The following PACS1 variants were observed in gnomAD, a reference collection of about 807,000 sequenced individuals.
PACS1 encodes the protein phosphofurin acidic cluster sorting protein 1.
In PACS1, 24 loss-of-function variants were observed where a neutral mutation model predicts 115.0. The observed-to-expected ratio is 0.21, with a 90% CI of 0.15 to 0.29. The LOEUF is 0.29. Ranked by LOEUF, PACS1 falls within the 10% of genes least tolerant of loss-of-function variation. PACS1 has a pLI of 1.00. For missense variants in PACS1, 838 were observed against 1,251.2 expected, an observed-to-expected ratio of 0.67 and a Z score of 4.98; for synonymous variants, 453 against 504.5, an observed-to-expected ratio of 0.90 and a Z score of 1.37.
In PACS1 at chr11:66,189,011, G is replaced by A. The variant is rs558446125; in HGVS notation, c.357-4475G>A. 7.2e-5 allele frequency among the ~76,000 whole-genome samples: 11 copies of A among 152,160 alleles called. No homozygotes were observed. The South Asian group carries it at 1.5e-3, about 20-fold the overall frequency. On this transcript the variant is annotated intron_variant, in intron 1 of 23. Transcript: ENST00000320580. ...TTGACTACTTCCTATGTGACCTGGG[G>A]ACATTTTCTTAACTTCCAGCATCCG...
At chr11:66,224,826 C>T (rs1855439631) in intron 10 of PACS1, among the ~76,000 whole-genome samples, 1 of 152,196 alleles carries the variant, frequency 6.6e-6, no homozygotes. Context: ...GGCAGGTGTG[C>T]ACGCACCACC....
At chr11:66,105,024 T>C (rs932429439) in intron 1 of PACS1, among the ~76,000 whole-genome samples, 1 of 152,244 alleles carries the variant, frequency 6.6e-6, no homozygotes, top group Non-Finnish European at 1.5e-5. Context: ...AAGGATGATA[T>C]ATTTGTAGGT....
At chr11:66,103,896 CAG>C (rs1857975794) in intron 1 of PACS1, among the ~76,000 whole-genome samples, 1 of 152,124 alleles carries the variant, frequency 6.6e-6, no homozygotes. Flanking sequence ...ATTATCAGCT[CAG>C]GGGCAGTGCT....
intron 11 of PACS1, chr11:66,230,347 A>G: frequency 3.4e-6 from 2 of 582,426 alleles, no homozygotes; most frequent in South Asian, 4.1e-5. Flanking sequence ...TATGGTGCCC[A>G]CACGGGGTGT....
intron 2 of PACS1, among the ~76,000 whole-genome samples, chr11:66,205,073 C>T (rs191075448): frequency 1.8e-4 from 28 of 152,308 alleles, no homozygotes; most frequent in Admixed American, 5.9e-4. Flanking sequence ...CAACCTCCAC[C>T]TCCCAGGTTC....
At position 66,216,584 on chromosome 11, in the gene PACS1, A is replaced by G. The variant is rs777363316; in HGVS notation, c.870A>G (p.Glu290=). 1 of 1,614,060 alleles carries G rather than the reference A, an allele frequency of 6.2e-7. No individual in the cohort carries two copies. The highest frequency in any genetic ancestry group is 8.5e-7 in the Non-Finnish European group (1 of 1,179,874). ...EEEESFSSEQ[E]GSDDPLHGQD... ...AAGAGAGTTTCTCATCAGAACAGGAAGGCAGTGATGATCCATTGCATGGGC... is the reference window on the plus strand; with the variant it reads ...AAGAGAGTTTCTCATCAGAACAGGAGGGCAGTGATGATCCATTGCATGGGC... The change falls in exon 6 of 24, where the codon GAA becomes GAG. Residue 290 remains glutamate (E), a synonymous_variant. Transcript: ENST00000320580.
chr11:66,240,636 GT>G (rs984943131), intron 21 of PACS1, among the ~76,000 whole-genome samples: 5 of 152,020 alleles, frequency 3.3e-5, no homozygotes, highest in Non-Finnish European at 5.9e-5. Context: ...ACGCAGCCAA[GT>G]TCTGCCCTGG....
At chr11:66,178,923 A>G (rs1220818621) in intron 1 of PACS1, among the ~76,000 whole-genome samples, 1 of 152,194 alleles carries the variant, frequency 6.6e-6, no homozygotes, top group African/African-American at 2.4e-5. Flanking sequence ...GAACTCCCAC[A>G]GGTCCCAGAT....
chr11:66,178,354 G>A (rs996002620), intron 1 of PACS1, among the ~76,000 whole-genome samples: 76 of 152,128 alleles, frequency 5.0e-4, no homozygotes, highest in African/African-American at 1.8e-3. Flanking sequence ...CGTACTGGAT[G>A]TGTTCTATTT....
chr11:66,162,118 T>G (rs1230074094), intron 1 of PACS1, among the ~76,000 whole-genome samples: 2 of 119,056 alleles, frequency 1.7e-5, no homozygotes, highest in African/African-American at 3.1e-5. Flanking sequence ...GGTGGTTTTT[T>G]TTTTTTTTTT....
rs1296992425 is a variant in PACS1, at chr11:66,233,093, G to A, written c.1838+27G>A. On this transcript the variant is annotated intron_variant, in intron 15 of 23. Transcript: ENST00000320580. The surrounding 1 kb of genome is among the most constrained non-coding windows in gnomAD (Gnocchi z 4.5). ...TAAGGGCTCTGGCCTCCCTTCTCCTGCCCTTAGAGATTCCCTCTGACCTCA... is the reference window on the plus strand; with the variant it reads ...TAAGGGCTCTGGCCTCCCTTCTCCTACCCTTAGAGATTCCCTCTGACCTCA... The A allele has an allele frequency of 6.6e-7, 1 of 1,514,500 alleles. No individual in the cohort carries two copies. The allele number at this position is 1,514,500 out of a possible 1,614,324, so 93.8% of individuals were successfully genotyped here.
intron 1 of PACS1, among the ~76,000 whole-genome samples, chr11:66,098,759 G>A (rs1180673684): frequency 6.6e-5 from 10 of 152,114 alleles, no homozygotes; most frequent in African/African-American, 1.9e-4. Flanking sequence ...TTGTCATCCC[G>A]GTTGTTCTTG....
chr11:66,165,445 A>G (rs1859579806), intron 1 of PACS1, among the ~76,000 whole-genome samples: 1 of 152,046 alleles, frequency 6.6e-6, no homozygotes, highest in Non-Finnish European at 1.5e-5. Flanking sequence ...TACCATCTCT[A>G]TGCCTCGACT....
intron 2 of PACS1, among the ~76,000 whole-genome samples, chr11:66,203,492 G>GA (rs61030292): frequency 1.3e-5 from 2 of 151,496 alleles, no homozygotes; most frequent in African/African-American, 4.9e-5. Context: ...CACAGAAATA[G>GA]AAAAAAAAAA....
chr11:66,113,773 A>G (rs1000480972), intron 1 of PACS1, among the ~76,000 whole-genome samples: 1 of 152,232 alleles, frequency 6.6e-6, no homozygotes, highest in African/African-American at 2.4e-5. Flanking sequence ...CTCTGACATT[A>G]ATATACTTTA....
chr11:66,125,877 T>G (rs1286621298), intron 1 of PACS1, among the ~76,000 whole-genome samples: 1 of 152,028 alleles, frequency 6.6e-6, no homozygotes, highest in Non-Finnish European at 1.5e-5. Flanking sequence ...TCGTCTCTAC[T>G]AAAAATACAA....
intron 1 of PACS1, among the ~76,000 whole-genome samples, chr11:66,177,186 A>T (rs1432870018): frequency 6.6e-6 from 1 of 152,160 alleles, no homozygotes. Flanking sequence ...ACTTTCAGAA[A>T]TGTTCTGAGA....
chr11:66,090,238 CTTTCTCTTCTCTTCT>C (rs1207815929), intron 1 of PACS1, among the ~76,000 whole-genome samples: 2 of 138,274 alleles, frequency 1.4e-5, no homozygotes, highest in African/African-American at 5.4e-5. Flanking sequence ...TTCTTCTTTT[CTTTCTCTTCTCTTCT>C]TTTCTCTTCT....
intron 11 of PACS1, 120 bp from the exon 12 acceptor site, chr11:66,230,428 G>A: frequency 5.6e-6 from 4 of 716,500 alleles, no homozygotes; most frequent in Non-Finnish European, 9.6e-6. Context: ...CTTGCTTTCA[G>A]GAAAAGAAAA....
Sources: allele counts gnomAD v4.1 joint callset (sites outside exome capture counted in the v4.1 genomes callset), GRCh38; gene constraint gnomAD v4.1.1; non-coding constraint Gnocchi (gnomAD v3.1); transcripts MANE v1.5; gene names NCBI Gene and HGNC (gene_info 2026-07-23, HGNC 2026-07-21).